Variants in LARGE1 observed in about 807,000 individuals in gnomAD.
LARGE1 encodes LARGE xylosyl- and glucuronyltransferase 1, also known as xylosyl- and glucuronyltransferase LARGE1.
LARGE1 carries 43 observed loss-of-function variants against 87.6 expected under a neutral mutation model. The observed-to-expected ratio is 0.49, with a 90% CI of 0.38 to 0.63. LARGE1 has a LOEUF of 0.63. LARGE1 is among the 30% of genes least tolerant of loss of function. LARGE1 has a pLI of 0.00. For synonymous variants in LARGE1, 434 were observed against 394.6 expected, an observed-to-expected ratio of 1.10 and a Z score of -1.18; for missense variants, 802 against 1,000.2, an observed-to-expected ratio of 0.80 and a Z score of 2.67.
intron 1 of LARGE1, among the ~76,000 whole-genome samples, chr22:33,772,627 A>T (rs894216764): frequency 6.6e-6 from 1 of 151,906 alleles, no homozygotes; most frequent in African/African-American, 2.4e-5. Flanking sequence ...AGACAATCCT[A>T]TGCCTCAGTA....
chr22:33,658,666 AT>A (rs1476578659), intron 2 of LARGE1, among the ~76,000 whole-genome samples: 1 of 151,918 alleles, frequency 6.6e-6, no homozygotes, highest in African/African-American at 2.4e-5. Context: ...TATGTACCAT[AT>A]TTTCTTTATT....
intron 5 of LARGE1, among the ~76,000 whole-genome samples, chr22:33,568,766 CAAAAA>C (rs57651807): frequency 6.5e-5 from 6 of 92,790 alleles, no homozygotes; most frequent in Admixed American, 2.7e-4. Flanking sequence ...AACTCAGTCT[CAAAAA>C]AAAAAAAAAA....
At chr22:33,590,003 T>C (rs1340645711) in intron 5 of LARGE1, among the ~76,000 whole-genome samples, 1 of 152,216 alleles carries the variant, frequency 6.6e-6, no homozygotes, top group African/African-American at 2.4e-5. Flanking sequence ...CTCATTTTTA[T>C]TCCATATGAT....
At chr22:33,437,864 T>C (rs2067327273) in intron 6 of LARGE1, among the ~76,000 whole-genome samples, 1 of 152,146 alleles carries the variant, frequency 6.6e-6, no homozygotes, top group South Asian at 2.1e-4. Context: ...GACAGGGCGA[T>C]ATTAGCAAGA....
upstream of LARGE1, among the ~76,000 whole-genome samples, chr22:33,920,762 C>CA (rs2065925160): frequency 6.9e-6 from 1 of 145,068 alleles, no homozygotes; most frequent in East Asian, 2.0e-4. Flanking sequence ...TGGCCGCCGC[C>CA]GCCGCCTCCG....
chr22:33,281,344 C>T (rs538914565), intron 13 of LARGE1, among the ~76,000 whole-genome samples: 3 of 151,994 alleles, frequency 2.0e-5, no homozygotes, highest in East Asian at 3.9e-4. Context: ...GTTTGAAAGT[C>T]TCAATTCTGA....
chr22:33,279,297 A>G (rs144974465), intron 13 of LARGE1, among the ~76,000 whole-genome samples: 202 of 152,314 alleles, frequency 1.3e-3, no homozygotes, highest in African/African-American at 4.7e-3. Flanking sequence ...AACAAGACAG[A>G]AGGGTGGGAA....
chr22:33,842,743 T>C (rs551772406), intron 1 of LARGE1, among the ~76,000 whole-genome samples: 5 of 152,306 alleles, frequency 3.3e-5, no homozygotes, highest in African/African-American at 1.2e-4. Context: ...AGGTGGCTAT[T>C]GAGACTAAGG....
rs73885047 is a variant in LARGE1 at position 33,319,360 on chromosome 22, G to C, written c.1288-3112C>G. ...GAGCAGCTCCTCCCCAATTGCCAAAGTCATGCAAGCCAGCCTGGCCCAGCT... is the reference window on the plus strand; with the variant it reads ...GAGCAGCTCCTCCCCAATTGCCAAACTCATGCAAGCCAGCCTGGCCCAGCT... On this transcript the variant is annotated intron_variant, in intron 10 of 14. Coordinates refer to ENST00000397394, the MANE Select transcript of LARGE1 (RefSeq NM_133642.5). 3.0e-3 allele frequency among the ~76,000 whole-genome samples: 451 copies of C among 152,224 alleles called. 3 individuals are homozygous for C. The highest frequency in any genetic ancestry group is 0.014 in the Middle Eastern group (4 of 294).
chr22:33,077,628 A>G, the LARGE1 span, among the ~76,000 whole-genome samples: 1 of 152,212 alleles, frequency 6.6e-6, no homozygotes, highest in South Asian at 2.1e-4. Flanking sequence ...GGGGATAGAA[A>G]GAGAAGGGGT....
chr22:33,917,070 C>G (rs2065808801), intron 1 of LARGE1, among the ~76,000 whole-genome samples: 1 of 152,186 alleles, frequency 6.6e-6, no homozygotes, highest in Non-Finnish European at 1.5e-5. Context: ...CTACCAGACC[C>G]CAGAGTTCAA....
chr22:33,210,045 A>T (rs1924878471), intron 11 of LARGE1, among the ~76,000 whole-genome samples: 1 of 152,164 alleles, frequency 6.6e-6, no homozygotes, highest in African/African-American at 2.4e-5. Flanking sequence ...ATTCACACAG[A>T]AGTTCTTGAG....
intron 12 of LARGE1, among the ~76,000 whole-genome samples, chr22:33,287,124 T>C (rs1376926400): frequency 1.3e-5 from 2 of 152,236 alleles, no homozygotes; most frequent in African/African-American, 4.8e-5. Flanking sequence ...CCCTGGTTAA[T>C]TGCTGTCTTA....
intron 11 of LARGE1, among the ~76,000 whole-genome samples, chr22:33,252,586 G>T (rs1020342734): frequency 2.0e-5 from 3 of 152,086 alleles, no homozygotes; most frequent in Non-Finnish European, 4.4e-5. Flanking sequence ...GTTCCCTTTG[G>T]CAGTAAAGCA....
intron 9 of LARGE1, among the ~76,000 whole-genome samples, chr22:33,379,001 G>A (rs1307296518): frequency 6.6e-6 from 1 of 152,110 alleles, no homozygotes; most frequent in Non-Finnish European, 1.5e-5. Flanking sequence ...GGTGTGGGGT[G>A]AGGGGGTATG....
chr22:33,737,977 CCA>C (rs757326819), intron 2 of LARGE1, among the ~76,000 whole-genome samples: 2 of 151,696 alleles, frequency 1.3e-5, no homozygotes, highest in South Asian at 4.2e-4. Flanking sequence ...AGACAACCTG[CCA>C]CACACACACA....
chr22:33,211,670 G>A (rs375882822), intron 11 of LARGE1, among the ~76,000 whole-genome samples: 3 of 152,254 alleles, frequency 2.0e-5, no homozygotes, highest in Admixed American at 6.5e-5. Flanking sequence ...CTACTCGGGA[G>A]GCTGAGGCAC....
At chr22:33,489,677 T>A (rs1366072022) in intron 6 of LARGE1, among the ~76,000 whole-genome samples, 2 of 152,170 alleles carry the variant, frequency 1.3e-5, no homozygotes, top group Admixed American at 6.5e-5. Flanking sequence ...TCCCCAGCCA[T>A]GTGGAACTGT....
intron 1 of LARGE1, among the ~76,000 whole-genome samples, chr22:33,844,243 T>C (rs1389930445): frequency 1.3e-5 from 2 of 152,078 alleles, no homozygotes; most frequent in Non-Finnish European, 2.9e-5. Context: ...TGAGAGCAGG[T>C]GAAACAAGCA....
Sources: gnomAD v4.1 joint callset for allele counts (sites outside exome capture counted in the v4.1 genomes callset) on GRCh38, gnomAD v4.1.1 for gene constraint, MANE v1.5 for transcripts, NCBI Gene and HGNC (gene_info 2026-07-23, HGNC 2026-07-21) for gene names.